WWTR1: variants seen among roughly 807,000 people sequenced by gnomAD.
The protein encoded by WWTR1 is WW domain-containing transcription regulator protein 1.
WWTR1 carries 13 observed loss-of-function variants against 40.1 expected under a neutral mutation model. That is an observed-to-expected ratio of 0.32 (90% confidence interval 0.21 to 0.52). The LOEUF is 0.52. Ranked by LOEUF, WWTR1 falls within the 20% of genes least tolerant of loss-of-function variation. WWTR1 has a pLI of 0.97. For synonymous variants in WWTR1, 230 were observed against 210.1 expected, an observed-to-expected ratio of 1.09 and a Z score of -0.82; for missense variants, 436 against 523.1, an observed-to-expected ratio of 0.83 and a Z score of 1.63.
In WWTR1 at chr3:149,591,103, G is replaced by T. The variant is rs562781719; in HGVS notation, c.432-18103C>A. On this transcript the variant is annotated intron_variant, in intron 2 of 6. Transcript: ENST00000360632. ...ATTAGGTCCATGTGATCCTGTAGTTGTTAGGGAGAAAGGAAAGAAAGAAAT... is the reference window on the plus strand; with the variant it reads ...ATTAGGTCCATGTGATCCTGTAGTTTTTAGGGAGAAAGGAAAGAAAGAAAT... 2.0e-5 allele frequency among the ~76,000 whole-genome samples: 3 copies of T among 151,898 alleles called. No homozygotes were observed. In the South Asian group the frequency reaches 6.2e-4, roughly 32 times the overall value.
chr3:149,674,585 TA>T (rs892481786), intron 1 of WWTR1, among the ~76,000 whole-genome samples: 419 of 141,430 alleles, frequency 3.0e-3, no homozygotes, highest in African/African-American at 5.6e-3. Context: ...AGATTCCATC[TA>T]AAAAAAAAAA....
At chr3:149,682,201 A>C (rs1714478605) in intron 1 of WWTR1, among the ~76,000 whole-genome samples, 2 of 152,188 alleles carry the variant, frequency 1.3e-5, no homozygotes, top group Admixed American at 1.3e-4. Flanking sequence ...GGTTAAACAA[A>C]GACCAACCAT....
intron 2 of WWTR1, among the ~76,000 whole-genome samples, chr3:149,645,907 C>A (rs1013349410): frequency 2.0e-5 from 3 of 152,064 alleles, no homozygotes; most frequent in Non-Finnish European, 4.4e-5. Context: ...CAAAAAAGAA[C>A]AGAAATTGGA....
At chr3:149,706,172 A>C (rs112760238), upstream of WWTR1, among the ~76,000 whole-genome samples, 864 of 152,246 alleles carry the variant, frequency 5.7e-3, 9 homozygotes, top group African/African-American at 0.019. Flanking sequence ...CACTGCAGTC[A>C]AGCCTGGGTG....
chr3:149,593,248 CAA>C (rs1738820301), intron 2 of WWTR1, among the ~76,000 whole-genome samples: 1 of 152,202 alleles, frequency 6.6e-6, no homozygotes, highest in Non-Finnish European at 1.5e-5. Context: ...ACCTCAGATT[CAA>C]AAGACTTGCA....
chr3:149,539,069 T>A (rs1233975110), intron 4 of WWTR1, among the ~76,000 whole-genome samples: 2 of 152,250 alleles, frequency 1.3e-5, no homozygotes, highest in African/African-American at 4.8e-5. Context: ...TGTTCTCGCA[T>A]GATTTCAATG....
At chr3:149,555,581 T>C (rs546869186) in intron 3 of WWTR1, among the ~76,000 whole-genome samples, 105 of 152,056 alleles carry the variant, frequency 6.9e-4, no homozygotes, top group Non-Finnish European at 1.2e-3. Flanking sequence ...TGTATAAATA[T>C]GCATTTCATT....
chr3:149,553,940 A>C (rs1358689278), intron 3 of WWTR1, among the ~76,000 whole-genome samples: 5 of 152,172 alleles, frequency 3.3e-5, no homozygotes, highest in Non-Finnish European at 7.4e-5. Flanking sequence ...ATGAAGGGAA[A>C]AAAAGGGCTG....
intron 1 of WWTR1, among the ~76,000 whole-genome samples, chr3:149,697,002 G>A (rs139322306): frequency 8.5e-5 from 13 of 152,264 alleles, no homozygotes; most frequent in African/African-American, 2.4e-4. Context: ...GTCTTAGCAC[G>A]GAGGTCACTT....
chr3:149,627,587 C>T (rs1004481951), intron 2 of WWTR1, among the ~76,000 whole-genome samples: 7 of 152,108 alleles, frequency 4.6e-5, no homozygotes, highest in African/African-American at 1.7e-4. Flanking sequence ...CTACAGGAGG[C>T]CCCCAAATCA....
At chr3:149,640,083 T>C (rs1413825939) in intron 2 of WWTR1, among the ~76,000 whole-genome samples, 2 of 151,430 alleles carry the variant, frequency 1.3e-5, no homozygotes, top group African/African-American at 4.9e-5. Context: ...ACTAACATGA[T>C]TTCTTGGATT....
At chr3:149,535,550 C>A (rs1481949970) in intron 4 of WWTR1, among the ~76,000 whole-genome samples, 1 of 152,064 alleles carries the variant, frequency 6.6e-6, no homozygotes, top group African/African-American at 2.4e-5. Flanking sequence ...TTTTAGGAAG[C>A]CATTTACTAA....
At chr3:149,574,330 G>A (rs1166839245) in intron 2 of WWTR1, among the ~76,000 whole-genome samples, 2 of 152,064 alleles carry the variant, frequency 1.3e-5, no homozygotes, top group Non-Finnish European at 2.9e-5. Flanking sequence ...ACAAGCCACC[G>A]CACCCAGCCC....
chr3:149,567,523 A>G (rs1737391036), intron 3 of WWTR1, among the ~76,000 whole-genome samples: 1 of 152,248 alleles, frequency 6.6e-6, no homozygotes, highest in Non-Finnish European at 1.5e-5. Flanking sequence ...CCAAACAAAT[A>G]TAAGTTGCAG....
intron 2 of WWTR1, among the ~76,000 whole-genome samples, chr3:149,644,945 C>T (rs1482314166): frequency 1.3e-5 from 2 of 152,162 alleles, no homozygotes. Flanking sequence ...TTCCACCTCC[C>T]AGGTTCAAGC....
At chr3:149,619,358 C>T (rs1345728677) in intron 2 of WWTR1, among the ~76,000 whole-genome samples, 1 of 152,160 alleles carries the variant, frequency 6.6e-6, no homozygotes, top group Non-Finnish European at 1.5e-5. Context: ...TAGTGACTCA[C>T]ACCTGTAATC....
chr3:149,597,362 C>G (rs542460383), intron 2 of WWTR1, among the ~76,000 whole-genome samples: 2 of 136,162 alleles, frequency 1.5e-5, no homozygotes, highest in South Asian at 4.5e-4. Context: ...TTTGGAATGC[C>G]AAGATGGGTG....
At chr3:149,551,846 G>C (rs1736628156) in intron 3 of WWTR1, among the ~76,000 whole-genome samples, 1 of 145,800 alleles carries the variant, frequency 6.9e-6, no homozygotes, top group Non-Finnish European at 1.5e-5. Context: ...TCATTATTCA[G>C]AACTGTCAGG....
chr3:149,604,796 C>T (rs1292653561), intron 2 of WWTR1, among the ~76,000 whole-genome samples: 1 of 152,186 alleles, frequency 6.6e-6, no homozygotes, highest in Non-Finnish European at 1.5e-5. Context: ...CACTGGCAGG[C>T]CAGAAGGCAG....
Sources: gnomAD v4.1 joint callset for allele counts (sites outside exome capture counted in the v4.1 genomes callset) on GRCh38, gnomAD v4.1.1 for gene constraint, MANE v1.5 for transcripts, NCBI Gene and HGNC (gene_info 2026-07-23, HGNC 2026-07-21) for gene names.